The following CFAP61 variants were observed in gnomAD, a reference collection of about 807,000 sequenced individuals.
The protein encoded by CFAP61 is cilia- and flagella-associated protein 61.
CFAP61 carries 107 observed loss-of-function variants against 135.6 expected under a neutral mutation model. That is an observed-to-expected ratio of 0.79 (90% CI 0.67 to 0.93). CFAP61 has a LOEUF of 0.93. CFAP61 is among the 40% of genes least tolerant of loss of function. The probability of loss-of-function intolerance (pLI) is 0.00; values close to 1 mark genes in which losing one functional copy is unlikely to be tolerated. For synonymous variants in CFAP61, 575 were observed against 578.5 expected, an observed-to-expected ratio of 0.99 and a Z score of 0.09; for missense variants, 1,507 against 1,556.2, an observed-to-expected ratio of 0.97 and a Z score of 0.53.
Position 20,359,764 on chromosome 20 carries a change from C to T in CFAP61, c.3514-446C>T, listed in dbSNP as rs556100642. Among the ~76,000 whole-genome samples the T allele has an allele frequency of 3.3e-5, 5 of 152,318 alleles. No homozygotes were observed. The South Asian group carries it at 1.0e-3, about 32-fold the overall frequency. The stretch of plus-strand genomic sequence containing the variant: ...GGCTTGAAATGACTAACCTGGATGA[C>T]TCTTGAGGACATTATGCTAAGTGAT... On this transcript the variant is annotated intron_variant, in intron 26 of 26. Transcript: ENST00000245957. This position sits in a 1 kb window ranked among gnomAD's most constrained non-coding sequence, Gnocchi z 4.0.
intron 26 of CFAP61, among the ~76,000 whole-genome samples, chr20:20,348,895 G>A (rs75143692): frequency 8.7e-4 from 131 of 151,428 alleles, no homozygotes; most frequent in African/African-American, 2.9e-3. Context: ...ACTCAGTAAT[G>A]AATTACTGAA....
chr20:20,123,617 T>C (rs1222649616), intron 8 of CFAP61, among the ~76,000 whole-genome samples: 1 of 151,858 alleles, frequency 6.6e-6, no homozygotes, highest in East Asian at 1.9e-4. Context: ...CCGATTTTTA[T>C]ACCAGTATCA....
In CFAP61 at chr20:20,086,058, G is replaced by A. The variant is rs547051330; in HGVS notation, c.567-4786G>A. On this transcript the variant is annotated intron_variant, in intron 6 of 26. Coordinates refer to ENST00000245957, the MANE Select transcript of CFAP61 (RefSeq NM_015585.4). ...TGCCCCAGAGAGCAGGCTTTAGTGC[G>A]TCATCTGTGTCTTGCAGCTATTCTT... 1.2e-4 allele frequency among the ~76,000 whole-genome samples: 19 copies of A among 152,066 alleles called. 1 individual carries two copies. Among genetic ancestry groups the A allele is most frequent in the Admixed American group, 3.9e-4 (6 of 15,296 alleles).
At chr20:20,156,397 G>A (rs923097258) in intron 9 of CFAP61, among the ~76,000 whole-genome samples, 1 of 151,958 alleles carries the variant, frequency 6.6e-6, no homozygotes, top group African/African-American at 2.4e-5. Flanking sequence ...TTTGACAAAG[G>A]TTATTTTTGA....
intron 26 of CFAP61, among the ~76,000 whole-genome samples, chr20:20,347,026 A>G (rs2058660255): frequency 6.6e-6 from 1 of 152,250 alleles, no homozygotes. Flanking sequence ...GTGTCAATAC[A>G]TTTTAACAGA....
At chr20:20,091,044 T>G (rs973523731) in intron 7 of CFAP61, 68 bp downstream of exon 7, 101 of 1,563,568 alleles carry the variant, frequency 6.5e-5, no homozygotes, top group Admixed American at 2.7e-4. Context: ...GTGTTGCTCT[T>G]GCGTTGCTGG....
intron 25 of CFAP61, among the ~76,000 whole-genome samples, chr20:20,326,720 T>TC (rs1765510306): frequency 6.6e-6 from 1 of 152,218 alleles, no homozygotes; most frequent in Non-Finnish European, 1.5e-5. Flanking sequence ...TTTGTCTGTT[T>TC]CTGTACTCTT....
In CFAP61 at chr20:20,265,440, C is replaced by T. The variant is rs146161710; in HGVS notation, c.2503+2310C>T. 101 of 779,762 alleles carry T rather than the reference C, an allele frequency of 1.3e-4. 1 individual carries two copies. The East Asian group carries it at 2.4e-3, about 18-fold the overall frequency. The allele number at this position is 779,762 out of a possible 1,614,324, so 48.3% of individuals were successfully genotyped here. A position where few individuals can be genotyped will look rare whatever the true frequency, so the allele number is the denominator to read the frequency against. On this transcript the variant is annotated intron_variant, in intron 21 of 26. Coordinates refer to ENST00000245957, the MANE Select transcript of CFAP61 (RefSeq NM_015585.4). ...ATGGAGGAAGAGCATCAGTGTTATTCTGCTGACTTGCCCAGTTGTCAGGGA... is the reference window on the plus strand; with the variant it reads ...ATGGAGGAAGAGCATCAGTGTTATTTTGCTGACTTGCCCAGTTGTCAGGGA...
chr20:20,194,797 G>T (rs1403678343), intron 15 of CFAP61, among the ~76,000 whole-genome samples: 1 of 152,196 alleles, frequency 6.6e-6, no homozygotes, highest in Admixed American at 6.5e-5. Flanking sequence ...AAGGTAAGAA[G>T]GTTTCACCTA....
At chr20:20,172,798 C>T (rs1017839406) in intron 13 of CFAP61, among the ~76,000 whole-genome samples, 2 of 152,168 alleles carry the variant, frequency 1.3e-5, no homozygotes, top group African/African-American at 2.4e-5. Context: ...CATTATCACC[C>T]AATGTCCATA....
At chr20:20,171,342 G>A (rs566773483) in intron 13 of CFAP61, among the ~76,000 whole-genome samples, 10 of 152,302 alleles carry the variant, frequency 6.6e-5, no homozygotes, top group South Asian at 4.1e-4. Context: ...TCCAGGAACC[G>A]AAGTTCCTTC....
intron 25 of CFAP61, among the ~76,000 whole-genome samples, chr20:20,320,382 TGTAA>T (rs1601996203): frequency 3.1e-4 from 12 of 38,952 alleles, no homozygotes; most frequent in African/African-American, 6.2e-4. Context: ...ATTATATATA[TGTAA>T]TATATATAAT....
chr20:20,355,886 G>A (rs1467004907), intron 26 of CFAP61, among the ~76,000 whole-genome samples: 1 of 148,596 alleles, frequency 6.7e-6, no homozygotes, highest in East Asian at 2.0e-4. Context: ...GAGGGGAGGT[G>A]GTCACACTGT....
intron 6 of CFAP61, among the ~76,000 whole-genome samples, chr20:20,083,567 A>T (rs1482107212): frequency 2.0e-5 from 3 of 152,230 alleles, no homozygotes; most frequent in Admixed American, 2.0e-4. Flanking sequence ...ACAAACTTTT[A>T]ACTCTTAAGG....
intron 26 of CFAP61, among the ~76,000 whole-genome samples, chr20:20,358,221 G>A (rs1028325874): frequency 6.6e-6 from 1 of 150,488 alleles, no homozygotes; most frequent in African/African-American, 2.5e-5. Flanking sequence ...GTGAGGGGAG[G>A]TGGTCACACT....
chr20:20,079,835 T>C (rs1234160411), intron 6 of CFAP61, among the ~76,000 whole-genome samples: 3 of 152,246 alleles, frequency 2.0e-5, no homozygotes, highest in African/African-American at 4.8e-5. Flanking sequence ...ATTTTGTGTA[T>C]GAAATGACAT....
chr20:20,324,615 TG>T (rs999702505), intron 25 of CFAP61, among the ~76,000 whole-genome samples: 2 of 152,214 alleles, frequency 1.3e-5, no homozygotes, highest in African/African-American at 4.8e-5. Context: ...TCTGGATCAG[TG>T]GGTATATACA....
At chr20:20,157,307 A>T (rs2053000691) in intron 9 of CFAP61, among the ~76,000 whole-genome samples, 1 of 152,192 alleles carries the variant, frequency 6.6e-6, no homozygotes, top group Admixed American at 6.5e-5. Flanking sequence ...TTTCAGCCTC[A>T]AGTGATCCGC....
intron 8 of CFAP61, among the ~76,000 whole-genome samples, chr20:20,106,599 G>A (rs2048423480): frequency 6.6e-6 from 1 of 152,092 alleles, no homozygotes; most frequent in Non-Finnish European, 1.5e-5. Flanking sequence ...ATTTATATTC[G>A]TTATGATCAT....
Sources: allele counts gnomAD v4.1 joint callset (sites outside exome capture counted in the v4.1 genomes callset), GRCh38; gene constraint gnomAD v4.1.1; non-coding constraint Gnocchi (gnomAD v3.1); transcripts MANE v1.5; gene names NCBI Gene and HGNC (gene_info 2026-07-23, HGNC 2026-07-21).